The following ADAMTSL3 variants were observed in gnomAD, a reference collection of about 807,000 sequenced individuals.
The protein encoded by ADAMTSL3 is ADAMTS like 3, also known as ADAMTS-like protein 3.
A neutral mutation model predicts 201.7 loss-of-function variants in ADAMTSL3; 128 were observed. The observed-to-expected ratio is 0.63, with a 90% confidence interval of 0.55 to 0.73. The LOEUF (loss-of-function observed/expected upper bound fraction) is 0.73, where lower values mean the gene tolerates loss of function less well. Ranked by LOEUF, ADAMTSL3 falls within the 30% of genes least tolerant of loss-of-function variation. The pLI is 0.00. For missense variants in ADAMTSL3, 1,990 were observed against 2,119.6 expected (o/e 0.94, Z 1.20); for synonymous variants, 738 against 748.4 (o/e 0.99, Z 0.23).
chr15:83,790,671 T>C (rs2063330648), intron 4 of ADAMTSL3, among the ~76,000 whole-genome samples: 1 of 152,144 alleles, frequency 6.6e-6, no homozygotes. Context: ...AAGGTAGGGT[T>C]GTCTGTCTCA....
intron 19 of ADAMTSL3, among the ~76,000 whole-genome samples, chr15:83,966,250 T>C (rs2067082755): frequency 6.6e-6 from 1 of 152,160 alleles, no homozygotes; most frequent in African/African-American, 2.4e-5. Context: ...CCAGAGCTGG[T>C]ATTTTGAAAA....
chr15:83,872,627 C>CACACAGAGAGAG (rs6145659), intron 9 of ADAMTSL3, among the ~76,000 whole-genome samples: 3 of 140,918 alleles, frequency 2.1e-5, no homozygotes, highest in Non-Finnish European at 4.5e-5. Context: ...CACACACACA[C>CACACAGAGAGAG]AGAGTTTTTG....
chr15:83,744,141 C>T (rs992901971), intron 3 of ADAMTSL3, among the ~76,000 whole-genome samples: 24 of 152,236 alleles, frequency 1.6e-4, no homozygotes, highest in African/African-American at 2.9e-4. Context: ...TGAGCCACTG[C>T]GCCCGGCCAT....
At chr15:83,811,218 T>G (rs1262235737) in intron 5 of ADAMTSL3, among the ~76,000 whole-genome samples, 1 of 152,196 alleles carries the variant, frequency 6.6e-6, no homozygotes, top group African/African-American at 2.4e-5. Flanking sequence ...ATGGACATCT[T>G]GTGGGCCAAG....
chr15:83,960,992 CAGAT>C (rs1212078403), intron 19 of ADAMTSL3, among the ~76,000 whole-genome samples: 1 of 152,014 alleles, frequency 6.6e-6, no homozygotes, highest in African/African-American at 2.4e-5. Context: ...AAAGTTGAGA[CAGAT>C]AGGTTCTATA....
intron 9 of ADAMTSL3, among the ~76,000 whole-genome samples, chr15:83,882,682 A>G (rs1159942510): frequency 6.6e-6 from 1 of 152,182 alleles, no homozygotes; most frequent in Admixed American, 6.5e-5. Flanking sequence ...TTACTGATTA[A>G]TAACTTGGTT....
chr15:83,999,634 G>A (rs1596519413), intron 23 of ADAMTSL3, among the ~76,000 whole-genome samples: 1 of 152,146 alleles, frequency 6.6e-6, no homozygotes, highest in Non-Finnish European at 1.5e-5. Context: ...ACAAATGATG[G>A]GAAGTGAGCA....
At chr15:83,946,586 C>G (rs1162975279) in intron 19 of ADAMTSL3, among the ~76,000 whole-genome samples, 1 of 152,158 alleles carries the variant, frequency 6.6e-6, no homozygotes, top group Non-Finnish European at 1.5e-5. Flanking sequence ...GTTCAGAGCT[C>G]TAAGCAAGTA....
chr15:83,960,104 A>G (rs1457609541), intron 19 of ADAMTSL3, among the ~76,000 whole-genome samples: 2 of 152,198 alleles, frequency 1.3e-5, no homozygotes, highest in Non-Finnish European at 2.9e-5. Flanking sequence ...TGGTAATGGT[A>G]ATTTAAAAAT....
At chr15:83,861,305 C>T (rs545370471) in intron 8 of ADAMTSL3, among the ~76,000 whole-genome samples, 11 of 152,310 alleles carry the variant, frequency 7.2e-5, no homozygotes, top group African/African-American at 1.4e-4. Context: ...TCTCCCAGCA[C>T]GCAGCTTGAG....
Position 83,661,588 on chromosome 15 carries a change from T to G in ADAMTSL3, c.69+5758T>G, listed in dbSNP as rs908679104. 1.8e-3 allele frequency among the ~76,000 whole-genome samples: 281 copies of G among 152,240 alleles called. 2 individuals carry two copies. The highest frequency in any genetic ancestry group is 6.2e-3 in the African/African-American group (258 of 41,536). ...TCATGATTTGGCTCTCTGTTTGTCTTTTGTTGGTGTATAAGAATGCTTGTG... is the reference window on the plus strand; with the variant it reads ...TCATGATTTGGCTCTCTGTTTGTCTGTTGTTGGTGTATAAGAATGCTTGTG... On this transcript the variant is annotated intron_variant, in intron 2 of 29. Transcript: ENST00000286744.
chr15:83,765,029 A>G (rs1269920353), intron 3 of ADAMTSL3, among the ~76,000 whole-genome samples: 3 of 152,212 alleles, frequency 2.0e-5, no homozygotes, highest in Non-Finnish European at 2.9e-5. Flanking sequence ...CCTAGAGGCC[A>G]TCAACTGTCA....
chr15:83,710,856 G>C (rs746105043), intron 3 of ADAMTSL3, among the ~76,000 whole-genome samples: 1 of 152,160 alleles, frequency 6.6e-6, no homozygotes, highest in Non-Finnish European at 1.5e-5. Flanking sequence ...TGAGGAATCT[G>C]AGCCCCGGAG....
chr15:83,757,662 A>G (rs2062743362), intron 3 of ADAMTSL3, among the ~76,000 whole-genome samples: 1 of 152,088 alleles, frequency 6.6e-6, no homozygotes, highest in African/African-American at 2.4e-5. Context: ...GCTGGCTTGA[A>G]TTTTTCCTCA....
chr15:83,983,082 A>G lies in ADAMTSL3; in HGVS notation c.3454A>G (p.Arg1152Gly). The change falls in exon 21 of 30, where the codon AGA becomes GGA. Residue 1152 changes from arginine (R) to glycine (G), a missense_variant. Coordinates refer to ENST00000286744, the MANE Select transcript of ADAMTSL3 (RefSeq NM_207517.3). ...QEETPPAAQL[R>G]GETGSVSQSS... Reference sequence around the variant, plus strand: ...AGAGACACCTCCTGCTGCTCAGCTCAGAGGGGAAACAGGGAGTGTGTCCCA... The same window carrying G: ...AGAGACACCTCCTGCTGCTCAGCTCGGAGGGGAAACAGGGAGTGTGTCCCA... 2 of 1,614,166 alleles carry G rather than the reference A, an allele frequency of 1.2e-6. No homozygotes were observed. Among genetic ancestry groups the G allele is most frequent in the Non-Finnish European group, 1.7e-6 (2 of 1,180,028 alleles).
chr15:84,017,321 G>A (rs1477041440), intron 25 of ADAMTSL3, among the ~76,000 whole-genome samples: 1 of 152,134 alleles, frequency 6.6e-6, no homozygotes, highest in Non-Finnish European at 1.5e-5. Flanking sequence ...GTTTCACCGT[G>A]TTAGCCAGGA....
chr15:83,674,488 C>A (rs2061367608), intron 2 of ADAMTSL3, among the ~76,000 whole-genome samples: 1 of 151,604 alleles, frequency 6.6e-6, no homozygotes, highest in Non-Finnish European at 1.5e-5. Context: ...ATCTATTTGT[C>A]CTACTGTGTC....
At chr15:83,866,129 G>A (rs558081642) in intron 8 of ADAMTSL3, among the ~76,000 whole-genome samples, 1 of 152,330 alleles carries the variant, frequency 6.6e-6, no homozygotes, top group East Asian at 1.9e-4. Flanking sequence ...GAGAGCATGT[G>A]GAGAAATAGG....
chr15:83,914,670 G>A (rs1284334136), intron 16 of ADAMTSL3, among the ~76,000 whole-genome samples: 1 of 152,140 alleles, frequency 6.6e-6, no homozygotes, highest in Non-Finnish European at 1.5e-5. Context: ...TAGGAATTTA[G>A]CCTCTCTGGT....
Sources: gnomAD v4.1 joint callset for allele counts (sites outside exome capture counted in the v4.1 genomes callset) on GRCh38, gnomAD v4.1.1 for gene constraint, MANE v1.5 for transcripts, NCBI Gene and HGNC (gene_info 2026-07-23, HGNC 2026-07-21) for gene names.